FHIT: variants seen among roughly 807,000 people sequenced by gnomAD.
The protein encoded by FHIT is fragile histidine triad diadenosine triphosphatase.
Under a neutral mutation model 17.9 loss-of-function variants are expected in FHIT, and 19 were observed. The ratio of observed to expected loss-of-function variants is 1.06; its 90% confidence interval spans 0.74 to 1.56. The LOEUF is 1.56. Among genes scored for constraint, FHIT ranks in the 40% most tolerant of loss-of-function variants. The pLI is 0.00. For missense variants in FHIT, 248 were observed against 189.2 expected (o/e 1.31, Z -1.82); for synonymous variants, 81 against 69.7 (o/e 1.16, Z -0.81).
At chr3:60,800,020 A>T (rs932600518) in intron 4 of FHIT, among the ~76,000 whole-genome samples, 13 of 152,192 alleles carry the variant, frequency 8.5e-5, no homozygotes, top group Admixed American at 7.2e-4. Context: ...TGAAATGGAT[A>T]GGCACATTCT....
At chr3:59,978,529 C>A (rs1193194893) in intron 7 of FHIT, among the ~76,000 whole-genome samples, 1 of 151,542 alleles carries the variant, frequency 6.6e-6, no homozygotes, top group Non-Finnish European at 1.5e-5. Flanking sequence ...AGCCAATTAA[C>A]TAGCTAGTGG....
At chr3:60,089,310 G>C (rs1050415860) in intron 5 of FHIT, among the ~76,000 whole-genome samples, 3 of 152,120 alleles carry the variant, frequency 2.0e-5, no homozygotes, top group African/African-American at 7.2e-5. Context: ...AAACTTTTTA[G>C]TATATTTTTG....
chr3:59,858,204 T>C (rs953988031), intron 8 of FHIT, among the ~76,000 whole-genome samples: 1 of 150,640 alleles, frequency 6.6e-6, no homozygotes, highest in Non-Finnish European at 1.5e-5. Flanking sequence ...CAAAAAGACA[T>C]AAATGGTGAT....
At chr3:60,421,994 G>A (rs894293448) in intron 5 of FHIT, among the ~76,000 whole-genome samples, 2 of 152,160 alleles carry the variant, frequency 1.3e-5, no homozygotes, top group Non-Finnish European at 2.9e-5. Context: ...GATTTTTAGA[G>A]GGTGAGCTAA....
intron 5 of FHIT, among the ~76,000 whole-genome samples, chr3:60,494,766 T>C (rs911205965): frequency 2.0e-5 from 3 of 152,202 alleles, no homozygotes; most frequent in Admixed American, 1.3e-4. Flanking sequence ...CTTCGCAGAA[T>C]GACCTCCAGT....
At chr3:60,799,647 C>A (rs570627259) in intron 4 of FHIT, among the ~76,000 whole-genome samples, 1 of 152,180 alleles carries the variant, frequency 6.6e-6, no homozygotes, top group Admixed American at 6.5e-5. Flanking sequence ...CATCTGGCTA[C>A]AGTGTTTCTC....
chr3:60,910,189 A>T (rs1706662885), intron 3 of FHIT, among the ~76,000 whole-genome samples: 1 of 152,088 alleles, frequency 6.6e-6, no homozygotes, highest in Admixed American at 6.6e-5. Context: ...TTCTGGGGGA[A>T]GTGTATGAAT....
At chr3:61,175,001 T>C (rs2038115436) in intron 2 of FHIT, among the ~76,000 whole-genome samples, 1 of 134,450 alleles carries the variant, frequency 7.4e-6, no homozygotes, top group Non-Finnish European at 1.6e-5. Flanking sequence ...CATTTCCTCA[T>C]CTATTAAATG....
intron 4 of FHIT, among the ~76,000 whole-genome samples, chr3:60,789,992 G>T (rs1453624941): frequency 6.6e-6 from 1 of 152,128 alleles, no homozygotes; most frequent in Non-Finnish European, 1.5e-5. Context: ...AGATCTTTTG[G>T]ATTAGTCTTT....
At chr3:61,215,952 C>G (rs1282571290) in intron 1 of FHIT, among the ~76,000 whole-genome samples, 7 of 150,434 alleles carry the variant, frequency 4.7e-5, no homozygotes, top group Non-Finnish European at 7.4e-5. Context: ...ATGTAGAAAG[C>G]TGAAACTGGA....
At chr3:60,400,048 G>T (rs900445880) in intron 5 of FHIT, among the ~76,000 whole-genome samples, 1 of 152,128 alleles carries the variant, frequency 6.6e-6, no homozygotes, top group African/African-American at 2.4e-5. Flanking sequence ...TGACTAAGCC[G>T]GGTGCTCTAT....
chr3:60,321,695 A>T (rs1381731426), intron 5 of FHIT, among the ~76,000 whole-genome samples: 1 of 152,196 alleles, frequency 6.6e-6, no homozygotes, highest in African/African-American at 2.4e-5. Flanking sequence ...CTGCTCTATC[A>T]AAATGCCTTA....
intron 5 of FHIT, among the ~76,000 whole-genome samples, chr3:60,296,850 T>A (rs1708233999): frequency 6.6e-6 from 1 of 151,626 alleles, no homozygotes; most frequent in African/African-American, 2.4e-5. Context: ...TATAGGTTAA[T>A]TTTTTTTCCT....
In FHIT at chr3:60,251,299, C is replaced by G. The variant is rs181892930; in HGVS notation, c.104-237147G>C. Among the ~76,000 whole-genome samples the G allele has an allele frequency of 1.1e-3, 162 of 152,292 alleles. 1 individual carries two copies. The highest frequency in any genetic ancestry group is 3.4e-3 in the Middle Eastern group (1 of 294). On this transcript the variant is annotated intron_variant, in intron 5 of 9. Coordinates refer to ENST00000492590, the MANE Select transcript of FHIT (RefSeq NM_002012.4). ...ATGTTGATTTTATGGAATGCCTTGG[C>G]TCTCTCTGGGGAGGGAGTAGTACAT... is the stretch of plus-strand genomic sequence containing the variant.
At chr3:61,060,128 AT>A (rs2034374099) in intron 2 of FHIT, among the ~76,000 whole-genome samples, 1 of 152,118 alleles carries the variant, frequency 6.6e-6, no homozygotes, top group African/African-American at 2.4e-5. Flanking sequence ...ATAAATAATT[AT>A]CTTACCTGTT....
intron 5 of FHIT, among the ~76,000 whole-genome samples, chr3:60,109,195 T>G (rs1406550579): frequency 6.6e-6 from 1 of 152,040 alleles, no homozygotes; most frequent in Non-Finnish European, 1.5e-5. Context: ...GCCAGGAAGT[T>G]TTTTCTCCCC....
intron 8 of FHIT, among the ~76,000 whole-genome samples, chr3:59,763,215 G>A (rs568511525): frequency 1.1e-4 from 16 of 152,286 alleles, no homozygotes; most frequent in African/African-American, 3.6e-4. Flanking sequence ...TGCTACATAT[G>A]GCTTCTTTTT....
At chr3:59,951,677 A>G (rs1359329766) in intron 7 of FHIT, among the ~76,000 whole-genome samples, 1 of 151,744 alleles carries the variant, frequency 6.6e-6, no homozygotes, top group East Asian at 1.9e-4. Context: ...TAAGTTCCAA[A>G]TAGAACTTTA....
chr3:61,117,754 T>C (rs1395385114), intron 2 of FHIT, among the ~76,000 whole-genome samples: 5 of 152,184 alleles, frequency 3.3e-5, no homozygotes, highest in African/African-American at 1.2e-4. Flanking sequence ...CTCCCATTAT[T>C]TTCTTCCTAG....
Sources: gnomAD v4.1 joint callset for allele counts (sites outside exome capture counted in the v4.1 genomes callset) on GRCh38, gnomAD v4.1.1 for gene constraint, MANE v1.5 for transcripts, NCBI Gene and HGNC (gene_info 2026-07-23, HGNC 2026-07-21) for gene names.